The following BST1 variants were observed in gnomAD, a reference collection of about 807,000 sequenced individuals.
The protein encoded by BST1 is ADP-ribosyl cyclase/cyclic ADP-ribose hydrolase 2.
In BST1, 49 loss-of-function variants were observed where a neutral mutation model predicts 40.6. That is an observed-to-expected ratio of 1.21 (90% CI 0.96 to 1.53). BST1 has a LOEUF of 1.53. Ranked by LOEUF, BST1 falls within the 40% of genes most tolerant of loss-of-function variation. The pLI is 0.00. For synonymous variants in BST1, 157 were observed against 159.3 expected, an observed-to-expected ratio of 0.99 and a Z score of 0.11; for missense variants, 423 against 395.9, an observed-to-expected ratio of 1.07 and a Z score of -0.58.
the BST1 span, among the ~76,000 whole-genome samples, chr4:15,757,905 G>C: frequency 6.6e-6 from 1 of 152,056 alleles, no homozygotes; most frequent in Admixed American, 6.5e-5. Flanking sequence ...GCCTCCCAAA[G>C]TGCTGGGATT....
chr4:15,760,559 T>C, the BST1 span, among the ~76,000 whole-genome samples: 329 of 152,044 alleles, frequency 2.2e-3, 8 homozygotes, highest in East Asian at 0.058. Context: ...GCTGATCCAG[T>C]GCTGACATAT....
In BST1 at chr4:15,712,534, A is replaced by G. The variant is rs544678411; in HGVS notation, c.534+645A>G. 2.6e-5 allele frequency among the ~76,000 whole-genome samples: 4 copies of G among 152,326 alleles called. No individual in the cohort carries two copies. The South Asian group carries it at 8.3e-4, about 32-fold the overall frequency. The stretch of plus-strand genomic sequence containing the variant: ...GGCAAAGAGCTGTTGACTATAAAAC[A>G]TTAGCTAGGTTGACCAGGTGGATGT... On this transcript the variant is annotated intron_variant, in intron 4 of 8. Coordinates refer to ENST00000265016, the MANE Select transcript of BST1 (RefSeq NM_004334.3).
downstream of BST1, among the ~76,000 whole-genome samples, chr4:15,741,160 A>C (rs1262812550): frequency 6.6e-6 from 1 of 152,118 alleles, no homozygotes; most frequent in Non-Finnish European, 1.5e-5. Context: ...CGGGGCTGCT[A>C]CAGACAAGTA....
At chr4:15,724,861 C>T (rs937606553) in intron 8 of BST1, among the ~76,000 whole-genome samples, 14 of 152,138 alleles carry the variant, frequency 9.2e-5, no homozygotes, top group African/African-American at 3.4e-4. Context: ...TCTCTACCCA[C>T]TGTGGCCAAG....
At chr4:15,725,675 T>C (rs1243016004) in intron 8 of BST1, among the ~76,000 whole-genome samples, 1 of 152,172 alleles carries the variant, frequency 6.6e-6, no homozygotes, top group Non-Finnish European at 1.5e-5. Context: ...CCACTTCCCA[T>C]AAGATATCAT....
downstream of BST1, among the ~76,000 whole-genome samples, chr4:15,736,725 G>A (rs916504212): frequency 3.3e-5 from 5 of 152,076 alleles, no homozygotes; most frequent in African/African-American, 2.4e-5. Context: ...TCTCAGTTCC[G>A]TATTCTCAAC....
chr4:15,745,106 AT>A, the BST1 span, among the ~76,000 whole-genome samples: 17 of 152,220 alleles, frequency 1.1e-4, no homozygotes, highest in Non-Finnish European at 2.4e-4. Context: ...ATTCAATTAT[AT>A]TGATCAATAA....
intron 4 of BST1, among the ~76,000 whole-genome samples, chr4:15,712,824 C>T (rs1720293243): frequency 6.6e-6 from 1 of 152,238 alleles, no homozygotes; most frequent in Non-Finnish European, 1.5e-5. Context: ...TAGGTTTCAT[C>T]TTGAGCACAG....
intron 8 of BST1, 192 bp from the exon 9 acceptor site, chr4:15,731,548 T>C (rs547493354): frequency 6.0e-5 from 61 of 1,016,766 alleles, no homozygotes; most frequent in Non-Finnish European, 7.9e-5. Context: ...CTCCAGAAAC[T>C]TGGGGTGCTT....
chr4:15,741,604 C>A (rs572186576), downstream of BST1, among the ~76,000 whole-genome samples: 5 of 152,060 alleles, frequency 3.3e-5, no homozygotes, highest in Non-Finnish European at 7.4e-5. Flanking sequence ...TTTGTACAAC[C>A]CCAAAGACAC....
chr4:15,763,744 C>A, the BST1 span, among the ~76,000 whole-genome samples: 68 of 151,950 alleles, frequency 4.5e-4, no homozygotes, highest in East Asian at 0.011. Context: ...GTGCTAAAAA[C>A]AAATGAGCTA....
chr4:15,756,205 G>A, the BST1 span, among the ~76,000 whole-genome samples: 1 of 152,232 alleles, frequency 6.6e-6, no homozygotes, highest in East Asian at 1.9e-4. Flanking sequence ...CTGCAGGGTG[G>A]GTTGGGGGAA....
chr4:15,705,052 C>A, intron 1 of BST1: 1 of 711,848 alleles, frequency 1.4e-6, no homozygotes, highest in South Asian at 1.5e-5. Flanking sequence ...GGAGGGTGCA[C>A]CTGCTTTGCC....
At position 15,725,139 on chromosome 4, in the gene BST1, A is replaced by G. The variant is rs139617235; in HGVS notation, c.851+2205A>G. ...CAGAAGCCAGATTTTATTTGATCCA[A>G]TGTGGGTAGGTTCATATTCTCCCTT... On this transcript the variant is annotated intron_variant, in intron 8 of 8. Coordinates refer to ENST00000265016, the MANE Select transcript of BST1 (RefSeq NM_004334.3). Among the ~76,000 whole-genome samples the G allele has an allele frequency of 2.5e-4, 38 of 152,314 alleles. No individual in the cohort carries two copies. The East Asian group carries it at 7.3e-3, about 29-fold the overall frequency.
At chr4:15,737,635 C>T (rs1490355375), downstream of BST1, among the ~76,000 whole-genome samples, 1 of 152,190 alleles carries the variant, frequency 6.6e-6, no homozygotes, top group Non-Finnish European at 1.5e-5. Flanking sequence ...GAGAAATGCA[C>T]ATGGAAGACC....
At chr4:15,703,533 G>A (rs1281125542) in intron 1 of BST1, among the ~76,000 whole-genome samples, 4 of 151,700 alleles carry the variant, frequency 2.6e-5, no homozygotes, top group African/African-American at 9.7e-5. Context: ...CTGCAGGTGA[G>A]GGGTGCGCTG....
At chr4:15,706,352 C>A (rs1719880829) in intron 2 of BST1, among the ~76,000 whole-genome samples, 1 of 152,222 alleles carries the variant, frequency 6.6e-6, no homozygotes, top group Non-Finnish European at 1.5e-5. Flanking sequence ...TCCTAACTGG[C>A]CCAATGGCCT....
intron 1 of BST1, chr4:15,705,089 G>C (rs1326181391): frequency 1.5e-6 from 1 of 687,370 alleles, no homozygotes; most frequent in Non-Finnish European, 2.7e-6. Context: ...TGCAGCATTG[G>C]GCCTCCCTCC....
the BST1 span, among the ~76,000 whole-genome samples, chr4:15,764,234 TA>T: frequency 4.0e-5 from 6 of 151,830 alleles, no homozygotes; most frequent in South Asian, 6.2e-4. Context: ...TGAAGTAAAA[TA>T]AAAAAAATCA....
Sources: gnomAD v4.1 joint callset for allele counts (sites outside exome capture counted in the v4.1 genomes callset) on GRCh38, gnomAD v4.1.1 for gene constraint, MANE v1.5 for transcripts, NCBI Gene and HGNC (gene_info 2026-07-23, HGNC 2026-07-21) for gene names.